Variants in SPSB1 observed in about 807,000 individuals in gnomAD.
The protein encoded by SPSB1 is splA/ryanodine receptor domain and SOCS box containing 1.
Under a neutral mutation model 21.2 loss-of-function variants are expected in SPSB1, and 8 were observed. The ratio of observed to expected loss-of-function variants is 0.38; its 90% CI spans 0.22 to 0.68. SPSB1 has a LOEUF of 0.68. Among genes scored for constraint, SPSB1 ranks in the 30% least tolerant of loss-of-function variants. The probability of loss-of-function intolerance (pLI) is 0.53; values close to 1 mark genes in which losing one functional copy is unlikely to be tolerated. For missense variants in SPSB1, 242 were observed against 377.8 expected, an observed-to-expected ratio of 0.64 and a Z score of 2.98; for synonymous variants, 169 against 161.7, an observed-to-expected ratio of 1.05 and a Z score of -0.34.
intron 1 of SPSB1, among the ~76,000 whole-genome samples, chr1:9,326,447 CA>C (rs1639817971): frequency 6.6e-6 from 1 of 152,190 alleles, no homozygotes; most frequent in South Asian, 2.1e-4. Context: ...GCACAGTGGC[CA>C]AAGGCATGAC....
intron 1 of SPSB1, among the ~76,000 whole-genome samples, chr1:9,353,866 C>G (rs923181978): frequency 4.0e-5 from 6 of 150,624 alleles, no homozygotes; most frequent in Non-Finnish European, 7.4e-5. Context: ...TGCAGTGAGA[C>G]GAGATAGCGC....
At chr1:9,326,839 G>T (rs1639823662) in intron 1 of SPSB1, among the ~76,000 whole-genome samples, 1 of 152,228 alleles carries the variant, frequency 6.6e-6, no homozygotes. Flanking sequence ...TTGCCTCTGA[G>T]TCAAAACACA....
intron 1 of SPSB1, among the ~76,000 whole-genome samples, chr1:9,332,421 T>C (rs577743907): frequency 1.3e-5 from 2 of 152,186 alleles, no homozygotes; most frequent in South Asian, 2.1e-4. Context: ...CTGGGTGAAC[T>C]AGAGGTTGAT....
chr1:9,334,058 C>T lies in SPSB1; in HGVS notation c.-149-21685C>T, dbSNP rs554509458. Among the ~76,000 whole-genome samples the T allele has an allele frequency of 3.3e-5, 5 of 152,256 alleles. No homozygotes were observed. The South Asian group carries it at 1.0e-3, about 32-fold the overall frequency. On this transcript the variant is annotated intron_variant, in intron 1 of 2. Transcript: ENST00000328089. ...AAACCAAAGCATTTTTCAATTGTAG[C>T]AAATACATATAACATAAAATTAAGA...
At chr1:9,310,695 TAA>T (rs771323541) in intron 1 of SPSB1, among the ~76,000 whole-genome samples, 6 of 143,152 alleles carry the variant, frequency 4.2e-5, no homozygotes, top group Non-Finnish European at 3.1e-5. Flanking sequence ...GACCTTGTCT[TAA>T]AAAAAAAAAA....
chr1:9,352,298 G>A (rs1640272437), intron 1 of SPSB1, among the ~76,000 whole-genome samples: 1 of 152,186 alleles, frequency 6.6e-6, no homozygotes, highest in South Asian at 2.1e-4. Context: ...GGACGGGGCT[G>A]GCCCAGCCTC....
At chr1:9,309,690 A>G (rs1639485320) in intron 1 of SPSB1, among the ~76,000 whole-genome samples, 1 of 152,148 alleles carries the variant, frequency 6.6e-6, no homozygotes, top group African/African-American at 2.4e-5. Flanking sequence ...TAAAAATATA[A>G]AAATTAGTCG....
At chr1:9,308,151 T>C (rs1639452474) in intron 1 of SPSB1, among the ~76,000 whole-genome samples, 1 of 152,236 alleles carries the variant, frequency 6.6e-6, no homozygotes. Context: ...CCAAGACATG[T>C]CAGGCCCAAA....
intron 2 of SPSB1, among the ~76,000 whole-genome samples, chr1:9,364,751 G>A (rs566861148): frequency 5.3e-5 from 8 of 152,324 alleles, no homozygotes; most frequent in Non-Finnish European, 8.8e-5. Context: ...GGCTGTGACC[G>A]TCCATGGGGG....
At chr1:9,304,288 G>A (rs1466639080) in intron 1 of SPSB1, among the ~76,000 whole-genome samples, 2 of 152,170 alleles carry the variant, frequency 1.3e-5, no homozygotes, top group African/African-American at 2.4e-5. Flanking sequence ...ACTTGGCTGA[G>A]CCACACTCCT....
At chr1:9,294,508 C>T (rs760866136) in intron 1 of SPSB1, 2 of 152,158 alleles carry the variant, frequency 1.3e-5, no homozygotes, top group Non-Finnish European at 2.9e-5. Flanking sequence ...CTGGTGCCCC[C>T]GAGGAGAGCG....
rs1422087920 is a variant in SPSB1, at chr1:9,346,247, A to G, written c.-149-9496A>G. The stretch of plus-strand genomic sequence containing the variant: ...CTTCAGGTGAAAGGAGGCTTTATAA[A>G]TAGGTCACCTTGTTCCACATCCTGA... On this transcript the variant is annotated intron_variant, in intron 1 of 2. Transcript: ENST00000328089. This position sits in a 1 kb window ranked among gnomAD's most constrained non-coding sequence, Gnocchi z 4.4. Among the ~76,000 whole-genome samples the G allele has an allele frequency of 6.6e-6, 1 of 152,252 alleles. No individual in the cohort carries two copies. The highest frequency in any genetic ancestry group is 1.5e-5 in the Non-Finnish European group (1 of 68,048).
intron 1 of SPSB1, among the ~76,000 whole-genome samples, chr1:9,297,085 G>A (rs750428575): frequency 3.9e-5 from 6 of 152,188 alleles, no homozygotes; most frequent in Non-Finnish European, 8.8e-5. Flanking sequence ...TGCAATGCAG[G>A]CATGGGATTT....
At chr1:9,362,546 C>T (rs59423584) in intron 2 of SPSB1, among the ~76,000 whole-genome samples, 4,855 of 152,336 alleles carry the variant, frequency 0.032, 100 homozygotes, top group South Asian at 0.068. Context: ...CAGCTGTCAG[C>T]GAGGACATTG....
intron 1 of SPSB1, among the ~76,000 whole-genome samples, chr1:9,344,003 T>C (rs779919286): frequency 1.3e-5 from 2 of 152,224 alleles, no homozygotes; most frequent in East Asian, 1.9e-4. Context: ...TTAGCCAGGA[T>C]GGTCTCGATC....
In SPSB1 at chr1:9,324,846, C is replaced by T. The variant is rs914216413; in HGVS notation, c.-149-30897C>T. 2.0e-5 allele frequency among the ~76,000 whole-genome samples: 3 copies of T among 152,300 alleles called. No individual in the cohort carries two copies. The highest frequency in any genetic ancestry group is 3.4e-3 in the Middle Eastern group (1 of 294). On this transcript the variant is annotated intron_variant, in intron 1 of 2. Coordinates refer to ENST00000328089, the MANE Select transcript of SPSB1 (RefSeq NM_025106.4). The surrounding 1 kb of genome is among the most constrained non-coding windows in gnomAD (Gnocchi z 4.3). Reference sequence around the variant, plus strand: ...CAGTCGTGTTTGCGACAAGTCTGTTCGCCTGGCCGTGGAGCCAGCACGGTC... The same window carrying T: ...CAGTCGTGTTTGCGACAAGTCTGTTTGCCTGGCCGTGGAGCCAGCACGGTC...
At chr1:9,343,781 G>A (rs1640126332) in intron 1 of SPSB1, among the ~76,000 whole-genome samples, 1 of 149,742 alleles carries the variant, frequency 6.7e-6, no homozygotes, top group African/African-American at 2.4e-5. Flanking sequence ...CCCATTAGCA[G>A]GTTTTTTGTT....
chr1:9,362,269 T>C (rs1640495013), intron 2 of SPSB1, among the ~76,000 whole-genome samples: 1 of 149,538 alleles, frequency 6.7e-6, no homozygotes, highest in Non-Finnish European at 1.5e-5. Context: ...GTTCTGGTCA[T>C]ATGAGGACCG....
intron 1 of SPSB1, among the ~76,000 whole-genome samples, chr1:9,301,572 C>T (rs916068087): frequency 1.3e-5 from 2 of 152,056 alleles, no homozygotes; most frequent in Non-Finnish European, 2.9e-5. Context: ...GGATAGACCT[C>T]CCGAGTGCGC....
Sources: gnomAD v4.1 joint callset for allele counts (sites outside exome capture counted in the v4.1 genomes callset) on GRCh38, gnomAD v4.1.1 for gene constraint, Gnocchi (gnomAD v3.1) non-coding constraint, MANE v1.5 for transcripts, NCBI Gene and HGNC (gene_info 2026-07-23, HGNC 2026-07-21) for gene names.